ANKRD36B: variants seen among roughly 807,000 people sequenced by gnomAD.
ANKRD36B encodes ankyrin repeat domain-containing protein 36B.
ANKRD36B carries 37 observed loss-of-function variants against 135.7 expected under a neutral mutation model. The observed-to-expected ratio is 0.27, with a 90% confidence interval of 0.21 to 0.36. The LOEUF (loss-of-function observed/expected upper bound fraction) is 0.36. Among genes scored for constraint, ANKRD36B ranks in the 10% least tolerant of loss-of-function variants. ANKRD36B has a pLI of 1.00. For synonymous variants in ANKRD36B, 179 were observed against 348.1 expected (o/e 0.51, Z 5.41); for missense variants, 549 against 1,037.1 (o/e 0.53, Z 6.46).
rs185226009 is a variant in ANKRD36B, at chr2:97,538,488, C to T, written c.1988-125G>A. 2 of 514,982 alleles carry T rather than the reference C, an allele frequency of 3.9e-6. 1 individual carries two copies. Among genetic ancestry groups the T allele is most frequent in the East Asian group, 6.1e-5 (2 of 33,008 alleles). 31.9% of individuals were successfully genotyped at this position (514,982 alleles called of 1,614,324 possible). A position where few individuals can be genotyped will look rare whatever the true frequency, so the allele number is the denominator to read the frequency against. On this transcript the variant is annotated intron_variant, in intron 30 of 43. Transcript: ENST00000359901. ...TACTAGTGTAGGATTTGATGTTTTA[C>T]AGTTTGTGTCTTTGGGACAGGAACA...
Position 97,535,129 on chromosome 2 carries a change from C to T in ANKRD36B, c.2191+1171G>A, listed in dbSNP as rs1404088161. On this transcript the variant is annotated intron_variant, in intron 34 of 43. Transcript: ENST00000359901. The stretch of plus-strand genomic sequence containing the variant: ...GGTGTGAGAAATTTAAAAAATAGAG[C>T]TCATGGAGATGAAGAGAAAAATCAC... Among the ~76,000 whole-genome samples the T allele has an allele frequency of 2.1e-5, 2 of 97,428 alleles. 1 individual carries two copies. Among genetic ancestry groups the T allele is most frequent in the Non-Finnish European group, 5.6e-5 (2 of 35,766 alleles). The allele number at this position is 97,428 out of a possible 152,430, so 63.9% of individuals were successfully genotyped here.
intron 20 of ANKRD36B, among the ~76,000 whole-genome samples, chr2:97,548,311 A>C (rs1318115947): frequency 6.6e-6 from 1 of 151,860 alleles, no homozygotes. Context: ...TATCTCTCAC[A>C]CCCATATGGT....
intron 35 of ANKRD36B, among the ~76,000 whole-genome samples, chr2:97,527,332 T>C (rs2078270983): frequency 1.1e-5 from 1 of 94,046 alleles, no homozygotes; most frequent in Non-Finnish European, 2.8e-5. Flanking sequence ...AGAAATAAAA[T>C]ACTTTATAGA....
At chr2:97,546,857 T>C (rs2079515304) in intron 22 of ANKRD36B, among the ~76,000 whole-genome samples, 1 of 151,666 alleles carries the variant, frequency 6.6e-6, no homozygotes. Flanking sequence ...AAAATATGTA[T>C]CTCTGATGCC....
At chr2:97,585,213 A>C (rs2082894322) in intron 2 of ANKRD36B, 71 bp downstream of exon 2, 1 of 1,548,582 alleles carries the variant, frequency 6.5e-7, no homozygotes, top group Non-Finnish European at 8.8e-7. Flanking sequence ...TATTCCAATG[A>C]GATAAATTCA....
At position 97,585,342 on chromosome 2, in the gene ANKRD36B, A is replaced by G; in HGVS notation, c.218T>C (p.Val73Ala). ...TGQPEMVHLLVSRRCELNLCD... is the reference protein window; with the variant it reads ...TGQPEMVHLLASRRCELNLCD... ...GAGGTTAAGCTCACATCTTCTGGAC[A>G]CCAGGAGATGTACCATTTCCGGTTG... Residue 73 changes from valine (V) to alanine (A), a missense_variant, in exon 2 of 44, where the codon GTG becomes GCG. Transcript: ENST00000359901. 2 of 1,571,164 alleles carry G rather than the reference A, an allele frequency of 1.3e-6. No homozygotes were observed. The highest frequency in any genetic ancestry group is 2.3e-5 in the South Asian group (2 of 85,418).
At position 97,576,801 on chromosome 2, in the gene ANKRD36B, C is replaced by T. The variant is rs2442277; in HGVS notation, c.696-355G>A. Reference sequence around the variant, plus strand: ...CAATGTCTTCTTCTAGATTTTACTACCTTCTTTCACTAGGTTGTTATATAG... The same window carrying T: ...CAATGTCTTCTTCTAGATTTTACTATCTTCTTTCACTAGGTTGTTATATAG... On this transcript the variant is annotated intron_variant, in intron 5 of 43. Transcript: ENST00000359901. Among the ~76,000 whole-genome samples the T allele has an allele frequency of 1.7e-3, 252 of 152,102 alleles. 3 individuals are homozygous for T. The highest frequency in any genetic ancestry group is 6.8e-3 in the Middle Eastern group (2 of 294).
intron 3 of ANKRD36B, among the ~76,000 whole-genome samples, chr2:97,582,608 T>C (rs1166112646): frequency 1.3e-5 from 2 of 152,196 alleles, no homozygotes; most frequent in Non-Finnish European, 2.9e-5. Context: ...CTCCTAAACC[T>C]TCCATGTTGA....
At chr2:97,552,984 C>CA (rs1559171729) in intron 16 of ANKRD36B, among the ~76,000 whole-genome samples, 184 bp downstream of exon 16, 1 of 151,886 alleles carries the variant, frequency 6.6e-6, no homozygotes, top group Non-Finnish European at 1.5e-5. Context: ...GCGAAGATCA[C>CA]GTTCCAAGCC....
intron 12 of ANKRD36B, among the ~76,000 whole-genome samples, chr2:97,555,944 C>T (rs531072359): frequency 9.9e-5 from 15 of 151,894 alleles, no homozygotes; most frequent in African/African-American, 3.4e-4. Flanking sequence ...TCTAAAAGTA[C>T]AATAAATTAC....
Position 97,585,373 on chromosome 2 carries a change from T to A in ANKRD36B, c.187A>T (p.Thr63Ser), listed in dbSNP as rs1378043309. 6.4e-7 allele frequency: 1 copy of A among 1,570,604 alleles called. No individual in the cohort carries two copies. The highest frequency in any genetic ancestry group is 1.2e-5 in the South Asian group (1 of 85,390). Residue 63 changes from threonine (T) to serine (S), a missense_variant, in exon 2 of 44, where the codon ACT becomes TCT. Coordinates refer to ENST00000359901, the MANE Select transcript of ANKRD36B (RefSeq NM_001393939.1). Reference protein sequence around the residue: ...ERTALHLACATGQPEMVHLLV... With the variant: ...ERTALHLACASGQPEMVHLLV... ...AGATGTACCATTTCCGGTTGGCCAGTGGCACAGGCCAAATGTAGGGCAGTC... is the reference window on the plus strand; with the variant it reads ...AGATGTACCATTTCCGGTTGGCCAGAGGCACAGGCCAAATGTAGGGCAGTC...
intron 12 of ANKRD36B, among the ~76,000 whole-genome samples, chr2:97,555,499 C>T (rs1383366968): frequency 6.6e-6 from 1 of 151,694 alleles, no homozygotes; most frequent in Non-Finnish European, 1.5e-5. Flanking sequence ...TAAAATGAAA[C>T]AGTGTTAGTA....
chr2:97,545,592 G>A lies in ANKRD36B; in HGVS notation c.1681+74C>T, dbSNP rs1559147893. On this transcript the variant is annotated intron_variant, in intron 24 of 43. Coordinates refer to ENST00000359901, the MANE Select transcript of ANKRD36B (RefSeq NM_001393939.1). The stretch of plus-strand genomic sequence containing the variant: ...AACATGAAGATTTGACGAACCCCCC[G>A]CTGCTTTATTTGGTGAAGAGAAGAT... 7 of 780,876 alleles carry A rather than the reference G, an allele frequency of 9.0e-6. 2 individuals are homozygous for A. The East Asian group carries it at 1.4e-4, about 16-fold the overall frequency. 48.4% of individuals were successfully genotyped at this position (780,876 alleles called of 1,614,324 possible).
intron 18 of ANKRD36B, among the ~76,000 whole-genome samples, chr2:97,550,834 C>T (rs1467008891): frequency 1.3e-5 from 2 of 151,784 alleles, no homozygotes; most frequent in African/African-American, 4.8e-5. Flanking sequence ...CCTCACAATC[C>T]GTCTTCATTC....
intron 6 of ANKRD36B, among the ~76,000 whole-genome samples, chr2:97,563,766 G>A (rs958831434): frequency 1.1e-4 from 17 of 152,130 alleles, no homozygotes; most frequent in African/African-American, 3.9e-4. Context: ...TGGGAGAGAT[G>A]CAGCTATGCT....
At chr2:97,551,203 T>C in intron 18 of ANKRD36B, 86 bp downstream of exon 18, 1 of 1,501,074 alleles carries the variant, frequency 6.7e-7, no homozygotes, top group Non-Finnish European at 9.0e-7. Context: ...AATGTGCAGC[T>C]TCGACCAGCC....
At chr2:97,570,902 G>C (rs1399365555) in intron 6 of ANKRD36B, among the ~76,000 whole-genome samples, 2 of 152,186 alleles carry the variant, frequency 1.3e-5, no homozygotes, top group Non-Finnish European at 2.9e-5. Flanking sequence ...GATGTGACCT[G>C]TGACTACGAT....
At chr2:97,548,618 T>G (rs542341192) in intron 20 of ANKRD36B, among the ~76,000 whole-genome samples, 2 of 152,046 alleles carry the variant, frequency 1.3e-5, no homozygotes, top group East Asian at 3.9e-4. Context: ...TCTAAAGAAG[T>G]TTCATGAAAT....
chr2:97,567,119 A>G (rs1042783529), intron 6 of ANKRD36B, among the ~76,000 whole-genome samples: 7 of 152,044 alleles, frequency 4.6e-5, no homozygotes, highest in African/African-American at 1.7e-4. Flanking sequence ...AGTTTTTTAT[A>G]AAGAATATTA....
Sources: allele counts gnomAD v4.1 joint callset (sites outside exome capture counted in the v4.1 genomes callset), GRCh38; gene constraint gnomAD v4.1.1; transcripts MANE v1.5; gene names NCBI Gene and HGNC (gene_info 2026-07-23, HGNC 2026-07-21).